CYP4F12: variants seen among roughly 807,000 people sequenced by gnomAD.
The protein encoded by CYP4F12 is cytochrome P450 4F12.
CYP4F12 carries 60 observed loss-of-function variants against 56.5 expected under a neutral mutation model. The ratio of observed to expected loss-of-function variants is 1.06; its 90% CI spans 0.86 to 1.32. The LOEUF (loss-of-function observed/expected upper bound fraction) is 1.32, where lower values mean the gene tolerates loss of function less well. Ranked by LOEUF, CYP4F12 falls within the 40% of genes most tolerant of loss-of-function variation. The pLI is 0.00. For synonymous variants in CYP4F12, 263 were observed against 264.9 expected, an observed-to-expected ratio of 0.99 and a Z score of 0.07; for missense variants, 711 against 683.5, an observed-to-expected ratio of 1.04 and a Z score of -0.45.
Position 15,673,101 on chromosome 19 carries a change from A to G in CYP4F12, c.-36A>G, listed in dbSNP as rs73926870. The G allele has an allele frequency of 0.012, 4,598 of 385,520 alleles. 214 individuals are homozygous for G. The highest frequency in any genetic ancestry group is 0.09 in the African/African-American group (4,228 of 47,054). 23.9% of individuals were successfully genotyped at this position (385,520 alleles called of 1,614,324 possible). A position where few individuals can be genotyped will look rare whatever the true frequency, so the allele number is the denominator to read the frequency against. On this transcript the variant is annotated 5_prime_UTR_variant, in exon 1 of 13. Coordinates refer to ENST00000550308, the MANE Select transcript of CYP4F12 (RefSeq NM_023944.4). The stretch of plus-strand genomic sequence containing the variant: ...AAAGACCTCCCAGCAGAAGAGGAGA[A>G]GAGGTTGTGTGGGACAAGCTGCTCC...
Position 15,673,149 on chromosome 19 carries a change from G to A in CYP4F12, c.-2+14G>A, listed in dbSNP as rs867967834. 6 of 460,242 alleles carry A rather than the reference G, an allele frequency of 1.3e-5. No homozygotes were observed. Among genetic ancestry groups the A allele is most frequent in the African/African-American group, 1.0e-4 (5 of 50,052 alleles). The allele number at this position is 460,242 out of a possible 1,614,324, so 28.5% of individuals were successfully genotyped here. The stretch of plus-strand genomic sequence containing the variant: ...TCCCGACAGAAGGTACCAGGCTGGG[G>A]GTGGCAGGGCTGGAAGGTCCTGGCC... On this transcript the variant is annotated intron_variant, in intron 1 of 12. Transcript: ENST00000550308.
rs752469422 is a variant in CYP4F12 at position 15,680,472 on chromosome 19, C to G, written c.478C>G (p.Leu160Val). 6.2e-7 allele frequency: 1 copy of G among 1,614,186 alleles called. No individual in the cohort carries two copies. Residue 160 changes from leucine (L) to valine (V), a missense_variant, in exon 5 of 13, where the codon CTG becomes GTG. Coordinates refer to ENST00000550308, the MANE Select transcript of CYP4F12 (RefSeq NM_023944.4). ...MLTPAFHFNI[L>V]KSYITIFNKS... ...GACGCCCGCCTTCCATTTCAACATC[C>G]TGAAGTCCTATATAACGATCTTCAA...
intron 11 of CYP4F12, 42 bp downstream of exon 11, chr19:15,696,267 C>A (rs1317818244): frequency 1.2e-6 from 2 of 1,612,776 alleles, no homozygotes; most frequent in East Asian, 2.2e-5. Flanking sequence ...CCATCCTCTA[C>A]TTTTGTGTGT....
At chr19:15,683,844 C>T in intron 7 of CYP4F12, 81 bp downstream of exon 7, 1 of 1,472,020 alleles carries the variant, frequency 6.8e-7, no homozygotes, top group Non-Finnish European at 9.0e-7. Context: ...TGGTTTTGAT[C>T]CAAAGGGCAC....
rs2008008073 is a variant in CYP4F12, at chr19:15,694,092, C to A, written c.1116-1844C>A. Among the ~76,000 whole-genome samples the A allele has an allele frequency of 4.6e-5, 7 of 151,766 alleles. No individual in the cohort carries two copies. The South Asian group carries it at 1.5e-3, about 32-fold the overall frequency. The stretch of plus-strand genomic sequence containing the variant: ...TACCATGCTGTTTTGGTTACTGTAG[C>A]CTTGTAGTATAGTTTGAAGTCAAGT... On this transcript the variant is annotated intron_variant, in intron 9 of 12. Coordinates refer to ENST00000550308, the MANE Select transcript of CYP4F12 (RefSeq NM_023944.4).
rs140068539 is a variant in CYP4F12 at position 15,696,029 on chromosome 19, C to T, written c.1209C>T (p.Thr403=). The change falls in exon 10 of 13, where the codon ACC becomes ACT. Residue 403 remains threonine, a synonymous_variant. Coordinates refer to ENST00000550308, the MANE Select transcript of CYP4F12 (RefSeq NM_023944.4). The part of the protein sequence containing the change: ...PPAPFISRCC[T]QDIVLPDGRV... ...CTCCCTTCATCTCCCGATGCTGCAC[C>T]CAGGACATTGTTCTCCCAGATGGCC... 7.4e-6 allele frequency: 12 copies of T among 1,613,998 alleles called. No individual in the cohort carries two copies. In the African/African-American group the frequency reaches 1.2e-4, roughly 16 times the overall value.
intron 3 of CYP4F12, among the ~76,000 whole-genome samples, chr19:15,679,394 C>T (rs780485594): frequency 6.6e-6 from 1 of 152,178 alleles, no homozygotes; most frequent in Non-Finnish European, 1.5e-5. Flanking sequence ...TTAAGGCAGC[C>T]GTTCTCTTAT....
intron 9 of CYP4F12, among the ~76,000 whole-genome samples, chr19:15,693,335 C>T (rs909865322): frequency 9.2e-5 from 14 of 152,198 alleles, no homozygotes; most frequent in South Asian, 4.1e-4. Flanking sequence ...GCAGAGAATT[C>T]AGCTCCTTTG....
chr19:15,696,764 A>G (rs945778062), intron 12 of CYP4F12, 144 bp from the exon 13 acceptor site: 7 of 1,189,184 alleles, frequency 5.9e-6, no homozygotes, highest in African/African-American at 4.6e-5. Flanking sequence ...ACAAGCCCAC[A>G]TGGGAGTCCC....
chr19:15,688,466 C>T (rs677449), intron 9 of CYP4F12, among the ~76,000 whole-genome samples: 43,086 of 151,870 alleles, frequency 0.28, 6,621 homozygotes, highest in African/African-American at 0.4. Context: ...ATAGATGACA[C>T]AAACCAATGA....
intron 9 of CYP4F12, among the ~76,000 whole-genome samples, chr19:15,694,530 C>T (rs904859329): frequency 7.9e-5 from 12 of 152,098 alleles, no homozygotes; most frequent in African/African-American, 2.9e-4. Context: ...GATTTTTGTC[C>T]ATTGATTTTG....
In CYP4F12 at chr19:15,691,704, T is replaced by C. The variant is rs542641632; in HGVS notation, c.1116-4232T>C. Among the ~76,000 whole-genome samples the C allele has an allele frequency of 1.8e-4, 24 of 135,642 alleles. No homozygotes were observed. The East Asian group carries it at 3.1e-3, about 18-fold the overall frequency. The allele number at this position is 135,642 out of a possible 152,430, so 89.0% of individuals were successfully genotyped here. ...TGTATCACAATTAATGTTTTTTTTT[T>C]CTGTTTTTTTGTTGCAAAAGATTGC... On this transcript the variant is annotated intron_variant, in intron 9 of 12. Coordinates refer to ENST00000550308, the MANE Select transcript of CYP4F12 (RefSeq NM_023944.4).
intron 9 of CYP4F12, among the ~76,000 whole-genome samples, chr19:15,687,231 G>C (rs112738562): frequency 0.29 from 43,853 of 150,814 alleles, 7,081 homozygotes; most frequent in African/African-American, 0.42. Flanking sequence ...GAGCTGAGAT[G>C]GCACCATTGC....
In CYP4F12 at chr19:15,680,503, G is replaced by T; in HGVS notation, c.509G>T (p.Ser170Ile). 6.2e-7 allele frequency: 1 copy of T among 1,614,178 alleles called. No individual in the cohort carries two copies. Among genetic ancestry groups the T allele is most frequent in the Non-Finnish European group, 8.5e-7 (1 of 1,180,036 alleles). ...TCCTATATAACGATCTTCAACAAGA[G>T]TGCAAACATCATGCTTGTGAGTCCC... ...LKSYITIFNKSANIMLDKWQH... is the reference protein window; with the variant it reads ...LKSYITIFNKIANIMLDKWQH... Residue 170 changes from serine to isoleucine, a missense_variant, in exon 5 of 13, where the codon AGT (serine) becomes ATT (isoleucine). Coordinates refer to ENST00000550308, the MANE Select transcript of CYP4F12 (RefSeq NM_023944.4).
intron 6 of CYP4F12, among the ~76,000 whole-genome samples, chr19:15,683,104 G>GAGAGAA (rs547469108): frequency 8.7e-4 from 133 of 152,266 alleles, no homozygotes; most frequent in South Asian, 1.5e-3. Flanking sequence ...GAGAGAGAGA[G>GAGAGAA]AGAGAAAGAG....
At chr19:15,683,273 C>G (rs551260502) in intron 6 of CYP4F12, among the ~76,000 whole-genome samples, 113 of 152,170 alleles carry the variant, frequency 7.4e-4, no homozygotes, top group African/African-American at 2.7e-3. Flanking sequence ...CTCTAGGTGC[C>G]TAGGTGCATG....
chr19:15,681,968 T>C (rs959973526), intron 5 of CYP4F12: 4 of 159,332 alleles, frequency 2.5e-5, no homozygotes, highest in African/African-American at 4.8e-5. Context: ...TTGCAGATGA[T>C]GAACTGAGGG....
In CYP4F12 at chr19:15,677,688, C is replaced by A. The variant is rs371441166; in HGVS notation, c.199-573C>A. 2.2e-4 allele frequency among the ~76,000 whole-genome samples: 15 copies of A among 68,536 alleles called. 1 individual carries two copies. Among genetic ancestry groups the A allele is most frequent in the African/African-American group, 7.8e-4 (15 of 19,314 alleles). 45.0% of individuals were successfully genotyped at this position (68,536 alleles called of 152,430 possible). A position where few individuals can be genotyped will look rare whatever the true frequency, so the allele number is the denominator to read the frequency against. On this transcript the variant is annotated intron_variant, in intron 2 of 12. Coordinates refer to ENST00000550308, the MANE Select transcript of CYP4F12 (RefSeq NM_023944.4). ...CATTCCTCTCCTCACTCACTCATTC[C>A]TCTCCTCCCTCACTTATTCCTCTAC...
In CYP4F12 at chr19:15,685,193, G is replaced by T. The variant is rs1221628745; in HGVS notation, c.1111G>T (p.Glu371Ter). 2 of 1,613,900 alleles carry T rather than the reference G, an allele frequency of 1.2e-6. No homozygotes were observed. Among genetic ancestry groups the T allele is most frequent in the Non-Finnish European group, 1.7e-6 (2 of 1,179,838 alleles). The change falls in exon 9 of 13, where the codon GAA becomes TAA. Residue 371 changes from glutamate (E) to a stop codon, truncating the protein, a stop_gained. Transcript: ENST00000550308. LOFTEE classifies it high-confidence loss of function. Reference protein sequence around the residue: ...LLKDRDPKEIEWDDLAQLPFL... With the variant: ...LLKDRDPKEI ...GAAGGACCGCGATCCTAAAGAGATT[G>T]AATGGTGAGTGCAAGTTCTTCTGGC...
Sources: allele counts gnomAD v4.1 joint callset (sites outside exome capture counted in the v4.1 genomes callset), GRCh38; gene constraint gnomAD v4.1.1; transcripts MANE v1.5; gene names NCBI Gene and HGNC (gene_info 2026-07-23, HGNC 2026-07-21).